The following GALNT13 variants were observed in gnomAD, a reference collection of about 807,000 sequenced individuals.
GALNT13 encodes UDP-GalNAc:polypeptide N-acetylgalactosaminyltransferase 13.
Under a neutral mutation model 64.2 loss-of-function variants are expected in GALNT13, and 28 were observed. That is an observed-to-expected ratio of 0.44 (90% CI 0.32 to 0.60). The LOEUF (loss-of-function observed/expected upper bound fraction) is 0.60, where lower values mean the gene tolerates loss of function less well. Ranked by LOEUF, GALNT13 falls within the 20% of genes least tolerant of loss-of-function variation. The pLI, the probability that GALNT13 is intolerant of heterozygous loss-of-function variation, is 0.05. For missense variants in GALNT13, 577 were observed against 669.8 expected, an observed-to-expected ratio of 0.86 and a Z score of 1.53; for synonymous variants, 214 against 224.6, an observed-to-expected ratio of 0.95 and a Z score of 0.42.
At chr2:153,434,227 C>A in the GALNT13 span, among the ~76,000 whole-genome samples, 7 of 152,104 alleles carry the variant, frequency 4.6e-5, no homozygotes, top group African/African-American at 1.7e-4. Flanking sequence ...TCCAGTCTAT[C>A]ATTGTTGGAC....
At chr2:153,190,181 CTA>C in the GALNT13 span, among the ~76,000 whole-genome samples, 1 of 151,920 alleles carries the variant, frequency 6.6e-6, no homozygotes, top group East Asian at 1.9e-4. Flanking sequence ...GACCAATGTC[CTA>C]TAGTGTTTCC....
the GALNT13 span, among the ~76,000 whole-genome samples, chr2:153,471,291 A>C: frequency 2.6e-5 from 4 of 152,186 alleles, no homozygotes; most frequent in Admixed American, 2.6e-4. Flanking sequence ...TACCTAGTGC[A>C]GAGTCATGAC....
chr2:154,390,284 C>T (rs1212502673), intron 9 of GALNT13, among the ~76,000 whole-genome samples: 2 of 152,144 alleles, frequency 1.3e-5, no homozygotes, highest in African/African-American at 2.4e-5. Flanking sequence ...CATGAGTAAA[C>T]TTGTGTCAAG....
At chr2:153,363,642 G>C in the GALNT13 span, among the ~76,000 whole-genome samples, 1 of 152,084 alleles carries the variant, frequency 6.6e-6, no homozygotes, top group Non-Finnish European at 1.5e-5. Flanking sequence ...TAGAAGAAAT[G>C]GATAAATTCC....
In GALNT13 at chr2:154,132,289, A is replaced by C. The variant is rs1041758607; in HGVS notation, c.143-8048A>C. Among the ~76,000 whole-genome samples, 13 of 152,208 alleles carry C rather than the reference A, an allele frequency of 8.5e-5. 1 individual carries two copies. The highest frequency in any genetic ancestry group is 1.5e-4 in the Non-Finnish European group (10 of 68,030). ...GAAAGATGTAAAAGGCCCTTTAATT[A>C]AATGAACCACTGCTAATCTTCATTG... On this transcript the variant is annotated intron_variant, in intron 3 of 12. Transcript: ENST00000392825.
chr2:154,045,829 T>G (rs2105336074), intron 3 of GALNT13, among the ~76,000 whole-genome samples: 1 of 152,370 alleles, frequency 6.6e-6, no homozygotes, highest in South Asian at 2.1e-4. Context: ...AAATCCAGAT[T>G]GTACTTACTC....
chr2:153,188,730 A>C, the GALNT13 span, among the ~76,000 whole-genome samples: 1 of 152,196 alleles, frequency 6.6e-6, no homozygotes, highest in Non-Finnish European at 1.5e-5. Context: ...TATAGAGATT[A>C]GAATATGGGA....
At chr2:154,298,737 A>AAATTGTATATACAAT (rs1559076134) in intron 8 of GALNT13, among the ~76,000 whole-genome samples, 1 of 82,970 alleles carries the variant, frequency 1.2e-5, no homozygotes, top group African/African-American at 4.1e-5. Context: ...ATTTATATAT[A>AAATTGTATATACAAT]GTATATATAA....
the GALNT13 span, among the ~76,000 whole-genome samples, chr2:153,678,841 T>A: frequency 6.6e-6 from 1 of 152,138 alleles, no homozygotes; most frequent in African/African-American, 2.4e-5. Context: ...AGGTTTGTAC[T>A]ATGTCAGCTT....
chr2:153,873,371 C>G (rs990821765), intron 1 of GALNT13, among the ~76,000 whole-genome samples: 1 of 152,248 alleles, frequency 6.6e-6, no homozygotes, highest in African/African-American at 2.4e-5. Flanking sequence ...CTACTCTGGA[C>G]AGCGAAAGCT....
intron 4 of GALNT13, among the ~76,000 whole-genome samples, chr2:154,195,648 C>A (rs1003724948): frequency 6.6e-6 from 1 of 151,992 alleles, no homozygotes; most frequent in Admixed American, 6.6e-5. Context: ...TAGTGCAAGG[C>A]CTTCCACACA....
the GALNT13 span, among the ~76,000 whole-genome samples, chr2:153,069,133 C>T: frequency 6.6e-6 from 1 of 152,282 alleles, no homozygotes; most frequent in Admixed American, 6.5e-5. Flanking sequence ...ACCTCTTTGA[C>T]CTTCAGCGTC....
chr2:153,576,584 C>G, the GALNT13 span, among the ~76,000 whole-genome samples: 1 of 152,182 alleles, frequency 6.6e-6, no homozygotes, highest in Admixed American at 6.5e-5. Context: ...CTTCCCCCAG[C>G]ACCCATAGAT....
intron 1 of GALNT13, among the ~76,000 whole-genome samples, chr2:153,882,584 A>G (rs977625206): frequency 1.3e-5 from 2 of 151,028 alleles, no homozygotes; most frequent in Admixed American, 6.6e-5. Context: ...AACAAGACCC[A>G]CTCAAGTTCA....
chr2:153,753,933 G>A, the GALNT13 span, among the ~76,000 whole-genome samples: 19 of 152,252 alleles, frequency 1.2e-4, no homozygotes, highest in African/African-American at 4.3e-4. Context: ...ACAAGATAGA[G>A]CATTTCCCAG....
chr2:153,595,095 G>T, the GALNT13 span, among the ~76,000 whole-genome samples: 2 of 151,872 alleles, frequency 1.3e-5, no homozygotes. Context: ...AATATATTGT[G>T]GCATGGAGGG....
chr2:153,739,671 T>G, the GALNT13 span, among the ~76,000 whole-genome samples: 1 of 149,846 alleles, frequency 6.7e-6, no homozygotes, highest in East Asian at 1.9e-4. Flanking sequence ...TTAAATAATG[T>G]ATGTTACATT....
At chr2:154,152,763 C>A (rs1684128525) in intron 4 of GALNT13, among the ~76,000 whole-genome samples, 1 of 152,188 alleles carries the variant, frequency 6.6e-6, no homozygotes, top group South Asian at 2.1e-4. Flanking sequence ...AGTTCTGGAG[C>A]CTTGGCTTTC....
At chr2:153,630,475 AC>A in the GALNT13 span, among the ~76,000 whole-genome samples, 5 of 107,598 alleles carry the variant, frequency 4.6e-5, 1 homozygote, top group Admixed American at 6.5e-4. Flanking sequence ...AGGAGGGGGA[AC>A]ATCACACTCT....
Sources: allele counts gnomAD v4.1 joint callset (sites outside exome capture counted in the v4.1 genomes callset), GRCh38; gene constraint gnomAD v4.1.1; transcripts MANE v1.5; gene names NCBI Gene and HGNC (gene_info 2026-07-23, HGNC 2026-07-21).